The following PARD3B variants were observed in gnomAD, a reference collection of about 807,000 sequenced individuals.
PARD3B encodes the protein partitioning defective 3 homolog B.
PARD3B carries 103 observed loss-of-function variants against 130.2 expected under a neutral mutation model. That is an observed-to-expected ratio of 0.79 (90% CI 0.67 to 0.93). The LOEUF is 0.93. Ranked by LOEUF, PARD3B falls within the 40% of genes least tolerant of loss-of-function variation. The pLI is 0.00. For synonymous variants in PARD3B, 583 were observed against 553.2 expected, an observed-to-expected ratio of 1.05 and a Z score of -0.76; for missense variants, 1,609 against 1,499.2, an observed-to-expected ratio of 1.07 and a Z score of -1.21.
At chr2:204,632,300 C>T (rs2034706469) in intron 1 of PARD3B, among the ~76,000 whole-genome samples, 1 of 152,096 alleles carries the variant, frequency 6.6e-6, no homozygotes, top group Non-Finnish European at 1.5e-5. Context: ...GTCAATTAAA[C>T]CTCTTTCCTT....
chr2:205,155,335 A>G (rs1393953333), intron 10 of PARD3B, among the ~76,000 whole-genome samples: 2 of 152,148 alleles, frequency 1.3e-5, no homozygotes, highest in African/African-American at 4.8e-5. Flanking sequence ...AAGAAATTTC[A>G]ACAGGCTTTC....
At chr2:204,894,644 T>C (rs767719550) in intron 2 of PARD3B, among the ~76,000 whole-genome samples, 1 of 152,046 alleles carries the variant, frequency 6.6e-6, no homozygotes, top group East Asian at 1.9e-4. Flanking sequence ...ATAATGAAAA[T>C]ATGAAATAAA....
chr2:205,417,396 A>G (rs903847542), intron 19 of PARD3B, among the ~76,000 whole-genome samples: 6 of 152,086 alleles, frequency 3.9e-5, no homozygotes, highest in African/African-American at 9.7e-5. Flanking sequence ...ACATACGTGC[A>G]CATGTGTCTT....
At chr2:205,118,811 A>G in intron 6 of PARD3B, 110 bp from the exon 7 acceptor site, 1 of 860,018 alleles carries the variant, frequency 1.2e-6, no homozygotes, top group South Asian at 2.9e-5. Flanking sequence ...TATAAAGTAA[A>G]ATTTCTTTTG....
chr2:205,004,139 G>A (rs1329598307), intron 3 of PARD3B, among the ~76,000 whole-genome samples: 1 of 152,182 alleles, frequency 6.6e-6, no homozygotes, highest in Admixed American at 6.5e-5. Flanking sequence ...CTTATTCAGA[G>A]TTGGGGTATC....
chr2:205,227,006 G>A (rs2038587564), intron 15 of PARD3B, among the ~76,000 whole-genome samples: 1 of 151,330 alleles, frequency 6.6e-6, no homozygotes, highest in Non-Finnish European at 1.5e-5. Flanking sequence ...CTTTACTGAT[G>A]TATAGTTTTA....
At chr2:205,180,561 G>A (rs1368293350) in intron 13 of PARD3B, among the ~76,000 whole-genome samples, 3 of 151,542 alleles carry the variant, frequency 2.0e-5, no homozygotes, top group Non-Finnish European at 4.4e-5. Flanking sequence ...GTGAGGAGAG[G>A]AGCTGTTACA....
intron 2 of PARD3B, among the ~76,000 whole-genome samples, chr2:204,857,458 T>C (rs2044997970): frequency 6.6e-6 from 1 of 152,134 alleles, no homozygotes; most frequent in Non-Finnish European, 1.5e-5. Context: ...AAAAGACAGA[T>C]GAATGAGAAA....
chr2:205,504,330 G>T (rs4328617), intron 21 of PARD3B, among the ~76,000 whole-genome samples: 66,287 of 151,794 alleles, frequency 0.44, 15,174 homozygotes, highest in South Asian at 0.6. Flanking sequence ...GACATAGGCA[G>T]GGGCAAGGAC....
chr2:205,401,709 C>A (rs2046258527), intron 19 of PARD3B, among the ~76,000 whole-genome samples: 1 of 152,136 alleles, frequency 6.6e-6, no homozygotes, highest in South Asian at 2.1e-4. Context: ...TCCATTTGGA[C>A]AAGAGGTCCT....
chr2:204,961,305 G>A (rs1690723231), intron 2 of PARD3B, among the ~76,000 whole-genome samples: 1 of 152,090 alleles, frequency 6.6e-6, no homozygotes, highest in African/African-American at 2.4e-5. Flanking sequence ...CATGGTAGCT[G>A]GGTCCAAAGT....
At chr2:205,017,264 T>A (rs1696220305) in intron 3 of PARD3B, among the ~76,000 whole-genome samples, 1 of 152,086 alleles carries the variant, frequency 6.6e-6, no homozygotes, top group Admixed American at 6.6e-5. Context: ...AACTAACAAA[T>A]GTGAACATAG....
intron 18 of PARD3B, among the ~76,000 whole-genome samples, chr2:205,394,770 T>C (rs2045967629): frequency 6.6e-6 from 1 of 152,258 alleles, no homozygotes. Context: ...ATCCCACTTA[T>C]ATGAATTTCA....
Position 205,461,307 on chromosome 2 carries a change from T to C in PARD3B, c.3044+20635T>C, listed in dbSNP as rs560342873. Among the ~76,000 whole-genome samples, 1 of 152,214 alleles carries C rather than the reference T, an allele frequency of 6.6e-6. No homozygotes were observed. The highest frequency in any genetic ancestry group is 2.1e-4 in the South Asian group (1 of 4,816). ...GGGATGCCCTGATGTGGAAAGGAACTTGGCATGTGTGAAGAAGTGAAAGAA... is the reference window on the plus strand; with the variant it reads ...GGGATGCCCTGATGTGGAAAGGAACCTGGCATGTGTGAAGAAGTGAAAGAA... On this transcript the variant is annotated intron_variant, in intron 20 of 22. Coordinates refer to ENST00000406610, the MANE Select transcript of PARD3B (RefSeq NM_001302769.2). This position sits in a 1 kb window ranked among gnomAD's most constrained non-coding sequence, Gnocchi z 4.3.
chr2:205,454,464 G>A lies in PARD3B; in HGVS notation c.3044+13792G>A, dbSNP rs891012558. On this transcript the variant is annotated intron_variant, in intron 20 of 22. Coordinates refer to ENST00000406610, the MANE Select transcript of PARD3B (RefSeq NM_001302769.2). Reference sequence around the variant, plus strand: ...GGAGACGTTTTAATATTTATATGCTGTGAAATATCCTCTCTTCTGGAAAGC... The same window carrying A: ...GGAGACGTTTTAATATTTATATGCTATGAAATATCCTCTCTTCTGGAAAGC... 3.3e-5 allele frequency among the ~76,000 whole-genome samples: 5 copies of A among 152,072 alleles called. No homozygotes were observed. In the East Asian group the frequency reaches 5.8e-4, roughly 18 times the overall value.
Position 205,098,133 on chromosome 2 carries a change from A to C in PARD3B, c.505-6293A>C, listed in dbSNP as rs188895154. ...CCAGAATTTTAATTTTAAAATTTAC[A>C]TTATGATTATGTATGAGCACCAGGC... On this transcript the variant is annotated intron_variant, in intron 4 of 22. Transcript: ENST00000406610. Among the ~76,000 whole-genome samples the C allele has an allele frequency of 2.6e-5, 4 of 152,296 alleles. No homozygotes were observed. The East Asian group carries it at 7.7e-4, about 29-fold the overall frequency.
At chr2:205,406,205 G>A (rs1163291786) in intron 19 of PARD3B, among the ~76,000 whole-genome samples, 5 of 151,996 alleles carry the variant, frequency 3.3e-5, no homozygotes, top group African/African-American at 4.8e-5. Context: ...ATTTTATTCC[G>A]TTCTACTTTA....
intron 14 of PARD3B, among the ~76,000 whole-genome samples, chr2:205,188,941 G>A (rs1156748837): frequency 1.3e-5 from 2 of 152,106 alleles, no homozygotes; most frequent in Admixed American, 1.3e-4. Flanking sequence ...TCAGGAAATT[G>A]CTCAACCTAT....
chr2:205,465,152 A>G (rs909881627), intron 20 of PARD3B, among the ~76,000 whole-genome samples: 1 of 152,234 alleles, frequency 6.6e-6, no homozygotes, highest in Admixed American at 6.5e-5. Flanking sequence ...AATGTCATAT[A>G]ACTCAGAAGC....
Sources: allele counts gnomAD v4.1 joint callset (sites outside exome capture counted in the v4.1 genomes callset), GRCh38; gene constraint gnomAD v4.1.1; non-coding constraint Gnocchi (gnomAD v3.1); transcripts MANE v1.5; gene names NCBI Gene and HGNC (gene_info 2026-07-23, HGNC 2026-07-21).